CDH13: variants seen among roughly 807,000 people sequenced by gnomAD.
CDH13 encodes cadherin-13.
In CDH13, 24 loss-of-function variants were observed where a neutral mutation model predicts 63.8. That is an observed-to-expected ratio of 0.38 (90% confidence interval 0.27 to 0.53). The LOEUF (loss-of-function observed/expected upper bound fraction) is 0.53, where lower values mean the gene tolerates loss of function less well. CDH13 is among the 20% of genes least tolerant of loss of function. The pLI is 0.85. For synonymous variants in CDH13, 503 were observed against 355.3 expected (o/e 1.42, Z -4.67); for missense variants, 1,049 against 903.1 (o/e 1.16, Z -2.07).
chr16:83,019,671 T>C (rs1915155771), intron 2 of CDH13, among the ~76,000 whole-genome samples: 1 of 151,474 alleles, frequency 6.6e-6, no homozygotes, highest in Non-Finnish European at 1.5e-5. Flanking sequence ...AATTTTTGCA[T>C]GTTTTGTAGA....
At chr16:82,822,194 T>TA (rs983839762) in intron 1 of CDH13, among the ~76,000 whole-genome samples, 4 of 152,066 alleles carry the variant, frequency 2.6e-5, no homozygotes, top group African/African-American at 4.8e-5. Context: ...ATATGCAATA[T>TA]AAAAAAATAA....
chr16:82,724,610 C>T (rs756099666), intron 1 of CDH13, among the ~76,000 whole-genome samples: 2 of 152,102 alleles, frequency 1.3e-5, no homozygotes, highest in African/African-American at 2.4e-5. Context: ...GAGTAGCTGA[C>T]TTGAAGGAGT....
intron 6 of CDH13, among the ~76,000 whole-genome samples, chr16:83,442,083 C>T (rs970594864): frequency 1.3e-5 from 2 of 152,074 alleles, no homozygotes; most frequent in Non-Finnish European, 1.5e-5. Flanking sequence ...GCAGTCGGAC[C>T]GGAGGAACAC....
At chr16:83,277,180 T>G (rs1320897449) in intron 5 of CDH13, among the ~76,000 whole-genome samples, 1 of 152,154 alleles carries the variant, frequency 6.6e-6, no homozygotes, top group Non-Finnish European at 1.5e-5. Context: ...CCTGTCTTCT[T>G]AAAAGAAGAA....
intron 1 of CDH13, among the ~76,000 whole-genome samples, chr16:82,821,587 G>A (rs2038002093): frequency 6.6e-6 from 1 of 152,328 alleles, no homozygotes; most frequent in East Asian, 1.9e-4. Flanking sequence ...CAGTCATGGA[G>A]CTTGCTGACT....
chr16:83,644,466 TTTG>T (rs1289590302), intron 8 of CDH13, among the ~76,000 whole-genome samples: 1 of 152,214 alleles, frequency 6.6e-6, no homozygotes, highest in East Asian at 1.9e-4. Context: ...TATGAAAGTC[TTTG>T]TAGGATAAAC....
intron 2 of CDH13, among the ~76,000 whole-genome samples, chr16:83,030,085 T>C (rs1454730835): frequency 1.3e-5 from 2 of 152,110 alleles, no homozygotes; most frequent in Non-Finnish European, 2.9e-5. Context: ...AGCCTCTGCT[T>C]GTGTCAATGC....
At chr16:83,175,301 T>C (rs1409862139) in intron 4 of CDH13, among the ~76,000 whole-genome samples, 2 of 152,126 alleles carry the variant, frequency 1.3e-5, no homozygotes, top group African/African-American at 4.8e-5. Context: ...TTTTAGATTA[T>C]TTTATATGAA....
At chr16:83,627,488 C>G (rs576675390) in intron 8 of CDH13, among the ~76,000 whole-genome samples, 10 of 152,272 alleles carry the variant, frequency 6.6e-5, no homozygotes, top group African/African-American at 2.4e-4. Context: ...TTTATCTTTC[C>G]TCATCTGGAG....
At chr16:83,622,055 T>A (rs996969675) in intron 8 of CDH13, among the ~76,000 whole-genome samples, 1 of 152,066 alleles carries the variant, frequency 6.6e-6, no homozygotes, top group African/African-American at 2.4e-5. Context: ...GATAAAAAAA[T>A]TCATCCATAT....
chr16:83,016,784 G>A (rs1263866368), intron 2 of CDH13, among the ~76,000 whole-genome samples: 2 of 151,982 alleles, frequency 1.3e-5, no homozygotes, highest in African/African-American at 2.4e-5. Flanking sequence ...CCACAAGGAA[G>A]GAAGGATGGG....
chr16:83,342,795 C>G (rs2090754197), intron 5 of CDH13, among the ~76,000 whole-genome samples: 1 of 144,766 alleles, frequency 6.9e-6, no homozygotes, highest in Admixed American at 7.0e-5. Flanking sequence ...TCTTAGGATT[C>G]AGATCCAAGA....
At chr16:82,727,005 T>A (rs1015347721) in intron 1 of CDH13, among the ~76,000 whole-genome samples, 5 of 152,156 alleles carry the variant, frequency 3.3e-5, no homozygotes, top group Non-Finnish European at 7.3e-5. Flanking sequence ...GCTTTTGTTC[T>A]TCTTCTAATG....
intron 5 of CDH13, among the ~76,000 whole-genome samples, chr16:83,280,711 A>T (rs2089144535): frequency 6.6e-6 from 1 of 152,294 alleles, no homozygotes; most frequent in South Asian, 2.1e-4. Context: ...CTCATAAGCT[A>T]TAGTTTTACA....
At chr16:83,756,733 A>C (rs1913539429) in intron 11 of CDH13, among the ~76,000 whole-genome samples, 1 of 152,228 alleles carries the variant, frequency 6.6e-6, no homozygotes, top group South Asian at 2.1e-4. Context: ...AGGTATCAAA[A>C]AGAAGGACAT....
chr16:83,309,146 C>T (rs1448637758), intron 5 of CDH13, among the ~76,000 whole-genome samples: 1 of 152,132 alleles, frequency 6.6e-6, no homozygotes, highest in Non-Finnish European at 1.5e-5. Context: ...TGTACATGAG[C>T]CTCATTAGCA....
intron 4 of CDH13, among the ~76,000 whole-genome samples, chr16:83,149,423 G>A (rs1412786794): frequency 6.6e-6 from 1 of 152,158 alleles, no homozygotes; most frequent in Non-Finnish European, 1.5e-5. Flanking sequence ...TTGCGTCCAT[G>A]ATAGGATCAC....
At chr16:83,451,558 C>T (rs1315200271) in intron 6 of CDH13, among the ~76,000 whole-genome samples, 1 of 152,188 alleles carries the variant, frequency 6.6e-6, no homozygotes, top group East Asian at 1.9e-4. Context: ...CTTCCGCTGT[C>T]ATCCAGGCTG....
chr16:83,661,934 G>T (rs1913480750), intron 8 of CDH13, among the ~76,000 whole-genome samples: 1 of 152,220 alleles, frequency 6.6e-6, no homozygotes, highest in South Asian at 2.1e-4. Context: ...GAGCCAGGAG[G>T]TTGAGGGATG....
Sources: allele counts gnomAD v4.1 joint callset (sites outside exome capture counted in the v4.1 genomes callset), GRCh38; gene constraint gnomAD v4.1.1; transcripts MANE v1.5; gene names NCBI Gene and HGNC (gene_info 2026-07-23, HGNC 2026-07-21).